BANP: variants seen among roughly 807,000 people sequenced by gnomAD.
The protein encoded by BANP is protein BANP.
In BANP, 11 loss-of-function variants were observed where a neutral mutation model predicts 68.1. That is an observed-to-expected ratio of 0.16 (90% confidence interval 0.10 to 0.27). The LOEUF (loss-of-function observed/expected upper bound fraction) is 0.27. Among genes scored for constraint, BANP ranks in the 10% least tolerant of loss-of-function variants. The pLI, the probability that BANP is intolerant of heterozygous loss-of-function variation, is 1.00. For missense variants in BANP, 504 were observed against 722.7 expected, an observed-to-expected ratio of 0.70 and a Z score of 3.47; for synonymous variants, 329 against 303.2, an observed-to-expected ratio of 1.09 and a Z score of -0.88.
At chr16:88,044,618 A>G (rs9921315) in intron 11 of BANP, among the ~76,000 whole-genome samples, 37,708 of 152,164 alleles carry the variant, frequency 0.25, 5,816 homozygotes, top group African/African-American at 0.43. Context: ...TAGTTCTAAA[A>G]GTTGTAATTG....
intron 13 of BANP, among the ~76,000 whole-genome samples, chr16:88,075,746 CTTTTTTTT>C (rs34974822): frequency 8.3e-6 from 1 of 120,918 alleles, no homozygotes; most frequent in South Asian, 2.6e-4. Context: ...TTTTCCTTTA[CTTTTTTTT>C]TTTTTTTTTT....
chr16:88,049,127 C>T (rs151166680), intron 11 of BANP, among the ~76,000 whole-genome samples: 192 of 152,154 alleles, frequency 1.3e-3, no homozygotes, highest in African/African-American at 4.1e-3. Flanking sequence ...ACGGAGACAG[C>T]GTCGGATCCC....
At chr16:87,991,226 G>A (rs2065831038) in intron 4 of BANP, among the ~76,000 whole-genome samples, 1 of 151,104 alleles carries the variant, frequency 6.6e-6, no homozygotes, top group Admixed American at 6.6e-5. Flanking sequence ...TCACATAATT[G>A]TATGGTACAG....
intron 4 of BANP, among the ~76,000 whole-genome samples, chr16:87,991,732 T>C (rs2065930689): frequency 6.6e-6 from 1 of 152,234 alleles, no homozygotes; most frequent in Admixed American, 6.5e-5. Context: ...AGATTTTTCT[T>C]TACTGACCTT....
intron 11 of BANP, among the ~76,000 whole-genome samples, chr16:88,050,816 T>G (rs1342348007): frequency 6.6e-6 from 1 of 152,000 alleles, no homozygotes; most frequent in Non-Finnish European, 1.5e-5. Context: ...GCCTCCCGAG[T>G]AGCTGGGACT....
chr16:87,978,682 G>C, intron 2 of BANP: 1 of 469,500 alleles, frequency 2.1e-6, no homozygotes, highest in Non-Finnish European at 4.4e-6. Context: ...TGAGTAGCTG[G>C]GACTATCCAG....
At chr16:87,975,692 G>A (rs1019101447) in intron 2 of BANP, among the ~76,000 whole-genome samples, 2 of 151,144 alleles carry the variant, frequency 1.3e-5, no homozygotes, top group African/African-American at 4.9e-5. Flanking sequence ...ACCTTACCAT[G>A]TGGTGTGTGT....
intron 11 of BANP, among the ~76,000 whole-genome samples, chr16:88,062,485 C>A (rs1395794661): frequency 6.6e-6 from 1 of 152,202 alleles, no homozygotes; most frequent in Non-Finnish European, 1.5e-5. Context: ...AAACAACTGG[C>A]TCTGTTTCAA....
chr16:88,066,741 T>TC (rs1374876637), intron 12 of BANP, among the ~76,000 whole-genome samples: 1 of 152,224 alleles, frequency 6.6e-6, no homozygotes, highest in African/African-American at 2.4e-5. Flanking sequence ...AGTTTTTTTT[T>TC]CCCCCAGAAA....
intron 12 of BANP, among the ~76,000 whole-genome samples, chr16:88,067,947 C>G (rs2089200283): frequency 6.6e-6 from 1 of 152,238 alleles, no homozygotes; most frequent in African/African-American, 2.4e-5. Flanking sequence ...GTGTCAATGC[C>G]CCCTCCGTCC....
chr16:88,006,311 T>C, intron 6 of BANP, 46 bp downstream of exon 6: 1 of 1,525,918 alleles, frequency 6.6e-7, no homozygotes, highest in Non-Finnish European at 8.8e-7. Flanking sequence ...AGTACAATTG[T>C]TTGTTTGTTT....
chr16:88,045,206 TG>T (rs1488034159), intron 11 of BANP, among the ~76,000 whole-genome samples: 1 of 152,194 alleles, frequency 6.6e-6, no homozygotes, highest in Non-Finnish European at 1.5e-5. Context: ...CCGTGTCACT[TG>T]GGCATTAGAA....
intron 11 of BANP, among the ~76,000 whole-genome samples, chr16:88,048,922 G>C (rs1295906465): frequency 6.6e-6 from 1 of 152,146 alleles, no homozygotes; most frequent in Non-Finnish European, 1.5e-5. Context: ...GTCAGGTGTG[G>C]GGTGCGGGGT....
chr16:88,049,047 A>C (rs1334968083), intron 11 of BANP, among the ~76,000 whole-genome samples: 1 of 152,064 alleles, frequency 6.6e-6, no homozygotes, highest in East Asian at 1.9e-4. Flanking sequence ...TGCTGGGACC[A>C]AACGTGGGGT....
intron 11 of BANP, among the ~76,000 whole-genome samples, chr16:88,046,956 C>T (rs1286676833): frequency 6.6e-6 from 1 of 151,816 alleles, no homozygotes; most frequent in Non-Finnish European, 1.5e-5. Context: ...CTCCCAGCTA[C>T]TCGGGAGGCT....
chr16:87,966,867 T>A (rs1266358194), intron 1 of BANP: 2 of 152,474 alleles, frequency 1.3e-5, no homozygotes, highest in Non-Finnish European at 2.9e-5. Flanking sequence ...TTCCTTTGCT[T>A]TGAGGAAGTC....
intron 6 of BANP, among the ~76,000 whole-genome samples, chr16:88,012,253 G>A (rs1478906571): frequency 6.6e-6 from 1 of 152,234 alleles, no homozygotes; most frequent in Admixed American, 6.5e-5. Flanking sequence ...GTGTGGGTTT[G>A]CTCTGTGTTA....
At chr16:88,039,744 G>A (rs373492262) in intron 11 of BANP, among the ~76,000 whole-genome samples, 5 of 142,478 alleles carry the variant, frequency 3.5e-5, no homozygotes, top group African/African-American at 7.3e-5. Context: ...GGAAGGACTC[G>A]GGGCTGACGT....
At chr16:87,997,717 G>A (rs544815680) in intron 4 of BANP, among the ~76,000 whole-genome samples, 68 of 151,312 alleles carry the variant, frequency 4.5e-4, no homozygotes, top group African/African-American at 1.3e-3. Flanking sequence ...GGATAGCTGG[G>A]TGAGACCATG....
Sources: allele counts gnomAD v4.1 joint callset (sites outside exome capture counted in the v4.1 genomes callset), GRCh38; gene constraint gnomAD v4.1.1; transcripts MANE v1.5; gene names NCBI Gene and HGNC (gene_info 2026-07-23, HGNC 2026-07-21).